DPP10: variants seen among roughly 807,000 people sequenced by gnomAD.
DPP10 encodes inactive dipeptidyl peptidase 10.
Under a neutral mutation model 120.9 loss-of-function variants are expected in DPP10, and 33 were observed. The ratio of observed to expected loss-of-function variants is 0.27; its 90% CI spans 0.21 to 0.37. The LOEUF is 0.37. Ranked by LOEUF, DPP10 falls within the 10% of genes least tolerant of loss-of-function variation. DPP10 has a pLI of 1.00. For synonymous variants in DPP10, 337 were observed against 326.1 expected, an observed-to-expected ratio of 1.03 and a Z score of -0.36; for missense variants, 816 against 942.8, an observed-to-expected ratio of 0.87 and a Z score of 1.76.
At chr2:115,821,306 A>C (rs2150061526) in intron 21 of DPP10, among the ~76,000 whole-genome samples, 1 of 152,260 alleles carries the variant, frequency 6.6e-6, no homozygotes, top group Non-Finnish European at 1.5e-5. Context: ...GAATTATTAT[A>C]TCTTCTGGAT....
Position 115,118,642 on chromosome 2 carries a change from A to C in DPP10, c.61-190597A>C, listed in dbSNP as rs907336003. On this transcript the variant is annotated intron_variant, in intron 1 of 25. Coordinates refer to ENST00000410059, the MANE Select transcript of DPP10 (RefSeq NM_020868.6). ...ACTCAGGCTGGAGTGCAGTAGTGCA[A>C]TCTCTCAGCTCACTACAATCTCTGT... Among the ~76,000 whole-genome samples the C allele has an allele frequency of 1.2e-4, 18 of 152,032 alleles. 1 individual carries two copies. Among genetic ancestry groups the C allele is most frequent in the Middle Eastern group, 3.4e-3 (1 of 292 alleles).
Position 115,016,974 on chromosome 2 carries a change from G to C in DPP10, c.61-292265G>C, listed in dbSNP as rs1378924884. Reference sequence around the variant, plus strand: ...TCGCAAGGACAGAAAACCAAACACCGCATGTTCTCACTCATAGGTAGGAAT... The same window carrying C: ...TCGCAAGGACAGAAAACCAAACACCCCATGTTCTCACTCATAGGTAGGAAT... On this transcript the variant is annotated intron_variant, in intron 1 of 25. Coordinates refer to ENST00000410059, the MANE Select transcript of DPP10 (RefSeq NM_020868.6). Among the ~76,000 whole-genome samples, 4 of 148,300 alleles carry C rather than the reference G, an allele frequency of 2.7e-5. No individual in the cohort carries two copies. The Admixed American group carries it at 2.7e-4, about 10-fold the overall frequency.
chr2:115,264,680 A>G (rs1309867271), intron 1 of DPP10, among the ~76,000 whole-genome samples: 1 of 152,190 alleles, frequency 6.6e-6, no homozygotes, highest in Non-Finnish European at 1.5e-5. Context: ...ATTTCACATA[A>G]CAAATTCAAA....
intron 1 of DPP10, among the ~76,000 whole-genome samples, chr2:114,591,196 T>C (rs1370805443): frequency 6.6e-6 from 1 of 152,208 alleles, no homozygotes; most frequent in Admixed American, 6.5e-5. Flanking sequence ...GAAGCCAGAT[T>C]GACAATGAAC....
At chr2:115,699,036 C>CA (rs1191197397) in intron 7 of DPP10, among the ~76,000 whole-genome samples, 813 of 50,792 alleles carry the variant, frequency 0.016, 19 homozygotes, top group African/African-American at 0.051. Context: ...AAAAAAAAAA[C>CA]AAAAAAAAAA....
intron 3 of DPP10, among the ~76,000 whole-genome samples, chr2:115,356,235 C>T (rs2064377201): frequency 6.6e-6 from 1 of 152,110 alleles, no homozygotes; most frequent in Non-Finnish European, 1.5e-5. Flanking sequence ...TTTCCTTGAG[C>T]AGTGGTTTGT....
At chr2:114,999,521 A>G (rs879531485) in intron 1 of DPP10, among the ~76,000 whole-genome samples, 1 of 152,098 alleles carries the variant, frequency 6.6e-6, no homozygotes, top group Non-Finnish European at 1.5e-5. Context: ...GGCCCCGAGT[A>G]CCTTTCTCCT....
intron 1 of DPP10, among the ~76,000 whole-genome samples, chr2:115,239,401 A>G (rs2058159265): frequency 6.6e-6 from 1 of 152,176 alleles, no homozygotes; most frequent in Non-Finnish European, 1.5e-5. Context: ...TAGCCACCCC[A>G]ACATTCAGCA....
intron 5 of DPP10, among the ~76,000 whole-genome samples, chr2:115,630,391 C>A (rs753126574): frequency 2.6e-5 from 4 of 152,110 alleles, no homozygotes; most frequent in Admixed American, 6.6e-5. Context: ...ACCTGAATAC[C>A]CTTTATTTTT....
chr2:115,611,826 T>C (rs780207143), intron 5 of DPP10, among the ~76,000 whole-genome samples: 6 of 152,062 alleles, frequency 3.9e-5, no homozygotes, highest in Non-Finnish European at 8.8e-5. Context: ...TTTCTCTCTC[T>C]CTCTCTCAAA....
intron 3 of DPP10, among the ~76,000 whole-genome samples, chr2:115,371,181 A>G (rs1161963964): frequency 6.6e-6 from 1 of 152,082 alleles, no homozygotes; most frequent in East Asian, 1.9e-4. Context: ...ACCTTAGTCT[A>G]CAACTTTTGC....
chr2:115,540,671 T>C (rs2079122822), intron 5 of DPP10, among the ~76,000 whole-genome samples: 2 of 151,922 alleles, frequency 1.3e-5, no homozygotes, highest in Admixed American at 1.3e-4. Flanking sequence ...CACTTAAACT[T>C]GTGAATACTG....
chr2:114,836,757 G>A (rs906661995), intron 1 of DPP10, among the ~76,000 whole-genome samples: 3 of 152,094 alleles, frequency 2.0e-5, no homozygotes, highest in African/African-American at 7.2e-5. Flanking sequence ...GGGAGACTGG[G>A]GCTTATTTCA....
intron 3 of DPP10, among the ~76,000 whole-genome samples, chr2:115,379,524 T>G (rs958328356): frequency 2.0e-5 from 3 of 152,180 alleles, no homozygotes; most frequent in Non-Finnish European, 4.4e-5. Flanking sequence ...CATTGATTTT[T>G]TGAAGGGTTT....
At chr2:114,624,761 C>T (rs1410227895) in intron 1 of DPP10, among the ~76,000 whole-genome samples, 1 of 151,852 alleles carries the variant, frequency 6.6e-6, no homozygotes, top group East Asian at 1.9e-4. Context: ...GGCTTGGTTA[C>T]ACTCATTAAT....
chr2:115,381,570 G>A (rs919342938), intron 3 of DPP10, among the ~76,000 whole-genome samples: 18 of 152,234 alleles, frequency 1.2e-4, no homozygotes, highest in East Asian at 9.7e-4. Context: ...GTCATTCTCC[G>A]TCCAGCTTTG....
intron 1 of DPP10, among the ~76,000 whole-genome samples, chr2:115,271,524 T>C (rs2059699378): frequency 6.6e-6 from 1 of 152,088 alleles, no homozygotes; most frequent in Non-Finnish European, 1.5e-5. Context: ...CTTGCAGAAA[T>C]GTGACAAGCT....
At chr2:115,003,265 AC>A (rs1701574883) in intron 1 of DPP10, among the ~76,000 whole-genome samples, 1 of 152,090 alleles carries the variant, frequency 6.6e-6, no homozygotes, top group African/African-American at 2.4e-5. Flanking sequence ...AAACAAAGGA[AC>A]AAAAAACCAA....
intron 1 of DPP10, among the ~76,000 whole-genome samples, chr2:115,010,967 A>C (rs1190935060): frequency 2.6e-5 from 4 of 152,166 alleles, no homozygotes. Context: ...CTGGAGGCAA[A>C]TATTGGCGCA....
Sources: allele counts gnomAD v4.1 joint callset (sites outside exome capture counted in the v4.1 genomes callset), GRCh38; gene constraint gnomAD v4.1.1; transcripts MANE v1.5; gene names NCBI Gene and HGNC (gene_info 2026-07-23, HGNC 2026-07-21).